RIT2: variants seen among roughly 807,000 people sequenced by gnomAD.
RIT2 encodes Ras like without CAAX 2.
In RIT2, 24 loss-of-function variants were observed where a neutral mutation model predicts 23.7. That is an observed-to-expected ratio of 1.01 (90% CI 0.73 to 1.43). The LOEUF (loss-of-function observed/expected upper bound fraction) is 1.43, where lower values mean the gene tolerates loss of function less well. RIT2 is among the 40% of genes most tolerant of loss of function. RIT2 has a pLI of 0.00. For synonymous variants in RIT2, 107 were observed against 91.1 expected, an observed-to-expected ratio of 1.17 and a Z score of -0.99; for missense variants, 236 against 266.9, an observed-to-expected ratio of 0.88 and a Z score of 0.81.
At chr18:42,891,947 T>C (rs1042731275) in intron 4 of RIT2, among the ~76,000 whole-genome samples, 7 of 152,124 alleles carry the variant, frequency 4.6e-5, no homozygotes, top group Non-Finnish European at 8.8e-5. Flanking sequence ...TGGACTATTC[T>C]AGTGAGGGCT....
At chr18:42,939,835 T>C (rs1473748801) in intron 3 of RIT2, among the ~76,000 whole-genome samples, 2 of 151,822 alleles carry the variant, frequency 1.3e-5, no homozygotes, top group Non-Finnish European at 2.9e-5. Context: ...AAAAACAAAA[T>C]AAAAATACAT....
chr18:43,105,062 G>A (rs147797168), intron 1 of RIT2, among the ~76,000 whole-genome samples: 2 of 151,560 alleles, frequency 1.3e-5, no homozygotes, highest in Admixed American at 1.3e-4. Context: ...ATTGTAGCAG[G>A]CAATTGTCCT....
intron 4 of RIT2, among the ~76,000 whole-genome samples, chr18:42,901,939 T>C (rs908823331): frequency 1.3e-5 from 2 of 151,902 alleles, no homozygotes; most frequent in African/African-American, 4.8e-5. Flanking sequence ...AACCAAAACA[T>C]GTTTATTGCA....
intron 2 of RIT2, among the ~76,000 whole-genome samples, chr18:43,026,308 C>A (rs565535472): frequency 2.0e-5 from 3 of 152,192 alleles, no homozygotes; most frequent in East Asian, 3.9e-4. Context: ...ATAATCCCAG[C>A]ACTTTGGGAA....
chr18:43,049,234 A>G (rs1025139087), intron 1 of RIT2, among the ~76,000 whole-genome samples: 1 of 152,186 alleles, frequency 6.6e-6, no homozygotes, highest in Admixed American at 6.5e-5. Flanking sequence ...ATGACACAAT[A>G]AGAACTACCG....
intron 1 of RIT2, among the ~76,000 whole-genome samples, chr18:43,076,459 G>C (rs539271853): frequency 1.0e-3 from 158 of 152,016 alleles, no homozygotes; most frequent in African/African-American, 3.4e-3. Context: ...AAATCATCCT[G>C]CCTTACATAG....
chr18:42,840,833 T>A (rs530749289), intron 4 of RIT2, among the ~76,000 whole-genome samples: 1 of 152,314 alleles, frequency 6.6e-6, no homozygotes, highest in South Asian at 2.1e-4. Context: ...GAAGTAGATA[T>A]CATTCCTAAA....
At chr18:42,826,641 C>T (rs1202412037) in intron 4 of RIT2, among the ~76,000 whole-genome samples, 1 of 151,818 alleles carries the variant, frequency 6.6e-6, no homozygotes, top group Non-Finnish European at 1.5e-5. Context: ...ACAGGCAGTA[C>T]GTTCAGATGA....
chr18:42,984,712 A>G (rs1175356131), intron 2 of RIT2, among the ~76,000 whole-genome samples: 1 of 152,108 alleles, frequency 6.6e-6, no homozygotes, highest in Non-Finnish European at 1.5e-5. Context: ...ATCAGTATCC[A>G]CTTATGTTTT....
At chr18:42,997,530 T>G (rs1476792451) in intron 2 of RIT2, among the ~76,000 whole-genome samples, 1 of 151,546 alleles carries the variant, frequency 6.6e-6, no homozygotes, top group Non-Finnish European at 1.5e-5. Context: ...CTTACCTGAT[T>G]AAAAGTTCAC....
chr18:43,106,374 A>G (rs370816570), intron 1 of RIT2, among the ~76,000 whole-genome samples: 5 of 152,210 alleles, frequency 3.3e-5, no homozygotes, highest in East Asian at 1.9e-4. Flanking sequence ...GATTCATTCA[A>G]TAAGTGACTA....
chr18:42,936,163 G>C (rs1909454251), intron 3 of RIT2, among the ~76,000 whole-genome samples: 1 of 151,950 alleles, frequency 6.6e-6, no homozygotes. Context: ...TTTTGATCCA[G>C]CTTTAGGAAA....
intron 4 of RIT2, among the ~76,000 whole-genome samples, chr18:42,852,489 C>A (rs1907079872): frequency 6.6e-6 from 1 of 152,190 alleles, no homozygotes; most frequent in African/African-American, 2.4e-5. Context: ...AATCTTACTT[C>A]ATGGTGTTCA....
chr18:43,099,002 T>A (rs954000787), intron 1 of RIT2, among the ~76,000 whole-genome samples: 2 of 152,064 alleles, frequency 1.3e-5, no homozygotes. Flanking sequence ...TGTTGGCATA[T>A]GATTTTAAGG....
chr18:42,795,547 C>T (rs1905319478), intron 4 of RIT2, among the ~76,000 whole-genome samples: 2 of 152,218 alleles, frequency 1.3e-5, no homozygotes, highest in South Asian at 2.1e-4. Context: ...GCCTGAGCCT[C>T]CCGGATGAGC....
chr18:42,962,659 T>C (rs1400300991), intron 3 of RIT2, among the ~76,000 whole-genome samples: 1 of 152,232 alleles, frequency 6.6e-6, no homozygotes, highest in Non-Finnish European at 1.5e-5. Flanking sequence ...GAAAAATGTG[T>C]ATTTTGATTT....
chr18:42,868,609 T>C (rs1014868582), intron 4 of RIT2, among the ~76,000 whole-genome samples: 2 of 152,106 alleles, frequency 1.3e-5, no homozygotes, highest in Non-Finnish European at 2.9e-5. Context: ...ACTAAATCAA[T>C]AAATACTTGT....
At chr18:42,974,185 C>A in intron 2 of RIT2, 38 bp from the exon 3 acceptor site, 1 of 1,351,074 alleles carries the variant, frequency 7.4e-7, no homozygotes, top group Non-Finnish European at 1.1e-6. Flanking sequence ...TTAAATGTGA[C>A]AGGAAAGGCA....
chr18:42,992,655 CA>C (rs1910881563), intron 2 of RIT2, among the ~76,000 whole-genome samples: 1 of 152,180 alleles, frequency 6.6e-6, no homozygotes. Context: ...TTTCATTCCG[CA>C]ACTAGCTTTC....
Sources: allele counts gnomAD v4.1 joint callset (sites outside exome capture counted in the v4.1 genomes callset), GRCh38; gene constraint gnomAD v4.1.1; transcripts MANE v1.5; gene names NCBI Gene and HGNC (gene_info 2026-07-23, HGNC 2026-07-21).